The following CTNNBL1 variants were observed in gnomAD, a reference collection of about 807,000 sequenced individuals.
The protein encoded by CTNNBL1 is beta-catenin-like protein 1.
CTNNBL1 carries 31 observed loss-of-function variants against 72.7 expected under a neutral mutation model. That is an observed-to-expected ratio of 0.43 (90% CI 0.32 to 0.58). CTNNBL1 has a LOEUF of 0.58. Among genes scored for constraint, CTNNBL1 ranks in the 20% least tolerant of loss-of-function variants. CTNNBL1 has a pLI of 0.08. For synonymous variants in CTNNBL1, 240 were observed against 267.3 expected (o/e 0.90, Z 1.00); for missense variants, 534 against 725.1 (o/e 0.74, Z 3.03).
chr20:37,812,355 T>C (rs1417386348), intron 11 of CTNNBL1, among the ~76,000 whole-genome samples: 4 of 152,218 alleles, frequency 2.6e-5, no homozygotes, highest in African/African-American at 9.6e-5. Context: ...TCTTGCCTTT[T>C]GTGGTTGTGA....
intron 1 of CTNNBL1, among the ~76,000 whole-genome samples, chr20:37,697,150 T>C (rs1435051611): frequency 2.0e-5 from 3 of 150,874 alleles, no homozygotes; most frequent in Admixed American, 1.3e-4. Flanking sequence ...CCCATTGCAC[T>C]CCAGCCTGGG....
At chr20:37,799,808 T>G (rs928211661) in intron 10 of CTNNBL1, among the ~76,000 whole-genome samples, 9 of 152,300 alleles carry the variant, frequency 5.9e-5, no homozygotes, top group African/African-American at 2.2e-4. Flanking sequence ...GTTTGATTGA[T>G]CCACAAGGGA....
chr20:37,812,059 G>A (rs1289915127), intron 11 of CTNNBL1, among the ~76,000 whole-genome samples: 1 of 152,202 alleles, frequency 6.6e-6, no homozygotes, highest in East Asian at 1.9e-4. Flanking sequence ...GATTGCTTTT[G>A]TAGGCAGATA....
intron 11 of CTNNBL1, among the ~76,000 whole-genome samples, chr20:37,833,943 G>A (rs769115195): frequency 3.9e-5 from 6 of 152,134 alleles, no homozygotes; most frequent in South Asian, 4.1e-4. Flanking sequence ...CTATCTGGCC[G>A]GCACCAGTAG....
In CTNNBL1 at chr20:37,842,403, T is replaced by C. The variant is rs781622466; in HGVS notation, c.1376T>C (p.Ile459Thr). 8 of 1,613,450 alleles carry C rather than the reference T, an allele frequency of 5.0e-6. No homozygotes were observed. The highest frequency in any genetic ancestry group is 5.9e-6 in the Non-Finnish European group (7 of 1,179,496). Residue 459 changes from isoleucine to threonine, a missense_variant, in exon 13 of 16, where the codon ATT becomes ACT. Physicochemically the swap from Ile to Thr is moderately conservative, Grantham distance 89. Transcript: ENST00000361383. ...GCAATGCAGGTGGCGGACAAGAAGA[T>C]TGAAGGGGAAAAACACGTATGTATC... ...LGAMQVADKK[I>T]EGEKHDMVRR...
chr20:37,845,726 A>T (rs2122826650), intron 13 of CTNNBL1, among the ~76,000 whole-genome samples: 2 of 152,264 alleles, frequency 1.3e-5, no homozygotes, highest in South Asian at 4.1e-4. Flanking sequence ...CCTTGCCCCC[A>T]TTAAATTTGA....
intron 5 of CTNNBL1, among the ~76,000 whole-genome samples, 156 bp downstream of exon 5, chr20:37,757,812 T>C (rs1309298602): frequency 6.6e-6 from 1 of 152,208 alleles, no homozygotes; most frequent in African/African-American, 2.4e-5. Context: ...AGTAGAGATG[T>C]GGCTGGGGCA....
intron 6 of CTNNBL1, 34 bp downstream of exon 6, chr20:37,765,324 G>C: frequency 7.3e-7 from 1 of 1,378,938 alleles, no homozygotes; most frequent in Non-Finnish European, 1.0e-6. Flanking sequence ...TGCCTGAGTT[G>C]CTTTGTGTTT....
At chr20:37,790,985 A>G (rs1362731378) in intron 10 of CTNNBL1, among the ~76,000 whole-genome samples, 2 of 152,214 alleles carry the variant, frequency 1.3e-5, no homozygotes, top group Non-Finnish European at 2.9e-5. Flanking sequence ...TGCATTTTCT[A>G]GAATTTTATG....
At chr20:37,701,184 T>C (rs2072838685) in intron 1 of CTNNBL1, among the ~76,000 whole-genome samples, 1 of 152,246 alleles carries the variant, frequency 6.6e-6, no homozygotes, top group Non-Finnish European at 1.5e-5. Flanking sequence ...TCTGTGTTTC[T>C]ACATCTCCTT....
intron 15 of CTNNBL1, among the ~76,000 whole-genome samples, chr20:37,865,249 G>A (rs1395080806): frequency 6.6e-6 from 1 of 152,178 alleles, no homozygotes; most frequent in African/African-American, 2.4e-5. Flanking sequence ...TGAGGTGACT[G>A]ACCATAGCGC....
chr20:37,833,330 G>C (rs6091328), intron 11 of CTNNBL1, among the ~76,000 whole-genome samples: 1 of 152,192 alleles, frequency 6.6e-6, no homozygotes, highest in Non-Finnish European at 1.5e-5. Flanking sequence ...AGAGAGCTGA[G>C]CTGGGGGAAG....
chr20:37,743,182 T>TC (rs1370082619), intron 3 of CTNNBL1, among the ~76,000 whole-genome samples: 8 of 151,260 alleles, frequency 5.3e-5, no homozygotes, highest in African/African-American at 1.7e-4. Flanking sequence ...GTGCCCAGTC[T>TC]CCCTTGCCAG....
intron 10 of CTNNBL1, among the ~76,000 whole-genome samples, chr20:37,780,378 CAG>C (rs1389126515): frequency 2.6e-5 from 4 of 152,126 alleles, no homozygotes; most frequent in African/African-American, 4.8e-5. Context: ...ATACCTAAGA[CAG>C]AATTTCTGTC....
intron 11 of CTNNBL1, among the ~76,000 whole-genome samples, chr20:37,807,205 A>T (rs2071967611): frequency 6.6e-6 from 1 of 152,196 alleles, no homozygotes; most frequent in South Asian, 2.1e-4. Flanking sequence ...CTGTAAAATA[A>T]TGAGGCTAGA....
chr20:37,801,863 A>G (rs2073826216), intron 10 of CTNNBL1, among the ~76,000 whole-genome samples: 1 of 152,262 alleles, frequency 6.6e-6, no homozygotes, highest in African/African-American at 2.4e-5. Flanking sequence ...GCGATTAGGC[A>G]ATAAAATGAA....
At chr20:37,772,770 A>G (rs117315467) in intron 7 of CTNNBL1, among the ~76,000 whole-genome samples, 3,221 of 152,290 alleles carry the variant, frequency 0.021, 65 homozygotes, top group Middle Eastern at 0.031. Flanking sequence ...TGATCATCTC[A>G]TATTTATTCA....
At chr20:37,756,723 G>T (rs528038668) in intron 4 of CTNNBL1, among the ~76,000 whole-genome samples, 1 of 142,420 alleles carries the variant, frequency 7.0e-6, no homozygotes, top group Non-Finnish European at 1.5e-5. Context: ...CTGCAGCCTC[G>T]ATCTCCTGAA....
chr20:37,860,676 A>G (rs965651985), intron 15 of CTNNBL1, among the ~76,000 whole-genome samples: 3 of 152,196 alleles, frequency 2.0e-5, no homozygotes, highest in Admixed American at 6.5e-5. Flanking sequence ...TTTCTTAGGG[A>G]AAAAAAGCAA....
Sources: gnomAD v4.1 joint callset for allele counts (sites outside exome capture counted in the v4.1 genomes callset) on GRCh38, gnomAD v4.1.1 for gene constraint, MANE v1.5 for transcripts, NCBI Gene and HGNC (gene_info 2026-07-23, HGNC 2026-07-21) for gene names.